Variants in EPB41L4B observed in about 807,000 individuals in gnomAD.
The protein encoded by EPB41L4B is band 4.1-like protein 4B.
In EPB41L4B, 30 loss-of-function variants were observed where a neutral mutation model predicts 112.5. The observed-to-expected ratio is 0.27, with a 90% CI of 0.20 to 0.36. The LOEUF (loss-of-function observed/expected upper bound fraction) is 0.36. Ranked by LOEUF, EPB41L4B falls within the 10% of genes least tolerant of loss-of-function variation. The pLI is 1.00. For synonymous variants in EPB41L4B, 408 were observed against 439.7 expected, an observed-to-expected ratio of 0.93 and a Z score of 0.90; for missense variants, 1,024 against 1,133.3, an observed-to-expected ratio of 0.90 and a Z score of 1.38.
chr9:109,320,466 T>C lies in EPB41L4B; in HGVS notation c.-20A>G, dbSNP rs1344230963. The C allele has an allele frequency of 2.0e-6, 2 of 977,162 alleles. No homozygotes were observed. Among genetic ancestry groups the C allele is most frequent in the African/African-American group, 1.8e-5 (1 of 54,712 alleles). 60.5% of individuals were successfully genotyped at this position (977,162 alleles called of 1,614,324 possible). A position where few individuals can be genotyped will look rare whatever the true frequency, so the allele number is the denominator to read the frequency against. Reference sequence around the variant, plus strand: ...CAGCATCCTGGCTGGGGGCGCCCCCTGCCTCCGCCCCCTGCGCTGCCGCTG... The same window carrying C: ...CAGCATCCTGGCTGGGGGCGCCCCCCGCCTCCGCCCCCTGCGCTGCCGCTG... On this transcript the variant is annotated 5_prime_UTR_variant, in exon 1 of 26. Coordinates refer to ENST00000374566, the MANE Select transcript of EPB41L4B (RefSeq NM_019114.5).
intron 15 of EPB41L4B, among the ~76,000 whole-genome samples, chr9:109,222,057 G>T (rs1247764720): frequency 1.3e-5 from 2 of 152,118 alleles, no homozygotes; most frequent in East Asian, 3.9e-4. Context: ...AAAGTGAGTG[G>T]TATTTAAAAC....
At chr9:109,235,072 G>A (rs1476773700) in intron 15 of EPB41L4B, among the ~76,000 whole-genome samples, 1 of 152,186 alleles carries the variant, frequency 6.6e-6, no homozygotes, top group Non-Finnish European at 1.5e-5. Context: ...TGGACTCTCA[G>A]CCATCTCACC....
At position 109,216,779 on chromosome 9, in the gene EPB41L4B, C is replaced by G; in HGVS notation, c.1633+143G>C. The G allele has an allele frequency of 3.6e-6, 3 of 828,838 alleles. No individual in the cohort carries two copies. In the South Asian group the frequency reaches 4.7e-5, roughly 13 times the overall value. The allele number at this position is 828,838 out of a possible 1,614,324, so 51.3% of individuals were successfully genotyped here. ...CAAATGCATAAGGCTCTTGTCTACTCTGGCCCAAACCCGGTAGCCCAGCAT... is the reference window on the plus strand; with the variant it reads ...CAAATGCATAAGGCTCTTGTCTACTGTGGCCCAAACCCGGTAGCCCAGCAT... On this transcript the variant is annotated intron_variant, in intron 16 of 25. Transcript: ENST00000374566.
chr9:109,189,206 C>T (rs992840420), intron 22 of EPB41L4B, among the ~76,000 whole-genome samples: 4 of 152,032 alleles, frequency 2.6e-5, no homozygotes, highest in Non-Finnish European at 4.4e-5. Context: ...GATACAGAAT[C>T]GGAAATGGAA....
intron 1 of EPB41L4B, among the ~76,000 whole-genome samples, chr9:109,306,229 C>T (rs1200299823): frequency 6.6e-6 from 1 of 152,168 alleles, no homozygotes; most frequent in Non-Finnish European, 1.5e-5. Flanking sequence ...CTGATCTAAA[C>T]CTACAACACC....
At chr9:109,217,300 T>C (rs975047481) in intron 15 of EPB41L4B, among the ~76,000 whole-genome samples, 155 bp from the exon 16 acceptor site, 2 of 152,250 alleles carry the variant, frequency 1.3e-5, no homozygotes, top group Non-Finnish European at 2.9e-5. Flanking sequence ...ATGGTAATAT[T>C]ATACTTAAGA....
chr9:109,315,095 C>A (rs115619938), intron 1 of EPB41L4B, among the ~76,000 whole-genome samples: 3,090 of 152,238 alleles, frequency 0.02, 101 homozygotes, highest in African/African-American at 0.071. Flanking sequence ...TAGCCCTCCA[C>A]TCCACTGTGA....
At chr9:109,308,088 G>A (rs938141542) in intron 1 of EPB41L4B, among the ~76,000 whole-genome samples, 4 of 152,010 alleles carry the variant, frequency 2.6e-5, no homozygotes, top group African/African-American at 7.2e-5. Context: ...TCCCACACTC[G>A]GCCCAATTCC....
intron 24 of EPB41L4B, 42 bp from the exon 25 acceptor site, chr9:109,176,738 G>A (rs1831856575): frequency 6.2e-7 from 1 of 1,610,144 alleles, no homozygotes; most frequent in South Asian, 1.1e-5. Context: ...CTCAATTTGG[G>A]TTCCATTTTC....
At chr9:109,286,913 C>G (rs1836307841) in intron 1 of EPB41L4B, among the ~76,000 whole-genome samples, 1 of 152,140 alleles carries the variant, frequency 6.6e-6, no homozygotes, top group Non-Finnish European at 1.5e-5. Context: ...TGAGCTGTTC[C>G]CAAACACAGT....
chr9:109,291,976 G>A (rs1836551847), intron 1 of EPB41L4B, among the ~76,000 whole-genome samples: 1 of 152,172 alleles, frequency 6.6e-6, no homozygotes, highest in African/African-American at 2.4e-5. Context: ...AGGCCATGCT[G>A]TATTTAGATC....
intron 16 of EPB41L4B, among the ~76,000 whole-genome samples, chr9:109,216,376 C>A (rs1397977140): frequency 1.3e-5 from 2 of 152,134 alleles, no homozygotes; most frequent in African/African-American, 4.8e-5. Context: ...CATGGTGGCT[C>A]ACGCCTGTAA....
intron 22 of EPB41L4B, among the ~76,000 whole-genome samples, chr9:109,190,168 TG>T (rs2118671811): frequency 6.6e-6 from 1 of 152,292 alleles, no homozygotes; most frequent in East Asian, 1.9e-4. Flanking sequence ...TCCAGTTCCC[TG>T]TTGGTCCAGC....
At chr9:109,281,014 A>C (rs1274824183) in intron 1 of EPB41L4B, among the ~76,000 whole-genome samples, 2 of 152,198 alleles carry the variant, frequency 1.3e-5, no homozygotes, top group Admixed American at 1.3e-4. Flanking sequence ...CTCAGAATAA[A>C]ACACAGGCAT....
intron 15 of EPB41L4B, among the ~76,000 whole-genome samples, chr9:109,235,390 CTTTTTTTTTTTTT>C (rs758330838): frequency 1.1e-5 from 1 of 87,248 alleles, no homozygotes; most frequent in Non-Finnish European, 2.1e-5. Flanking sequence ...TTCAGCTAGA[CTTTTTTTTTTTTT>C]TTTTTTTTTT....
intron 1 of EPB41L4B, among the ~76,000 whole-genome samples, chr9:109,283,396 GCT>G (rs1458580699): frequency 2.0e-5 from 3 of 152,308 alleles, no homozygotes; most frequent in Non-Finnish European, 2.9e-5. Flanking sequence ...CAGCCTTCAG[GCT>G]CTTTCCTTCC....
chr9:109,278,290 G>A (rs1019159336), intron 2 of EPB41L4B, among the ~76,000 whole-genome samples: 1 of 152,078 alleles, frequency 6.6e-6, no homozygotes, highest in Non-Finnish European at 1.5e-5. Flanking sequence ...GGGTGGGGTG[G>A]CATAACAGGA....
Position 109,281,478 on chromosome 9 carries a change from A to G in EPB41L4B, c.307-1557T>C, listed in dbSNP as rs10979795. Among the ~76,000 whole-genome samples, 1,029 of 152,258 alleles carry G rather than the reference A, an allele frequency of 6.8e-3. 23 individuals carry two copies. The East Asian group carries it at 0.093, about 14-fold the overall frequency. On this transcript the variant is annotated intron_variant, in intron 1 of 25. Transcript: ENST00000374566. The stretch of plus-strand genomic sequence containing the variant: ...CACAATTTGGGAGTCTGAGGCGGGC[A>G]GATCACTTGAGATCAGGAGTTCAAG...
At position 109,242,504 on chromosome 9, in the gene EPB41L4B, A is replaced by C. The variant is rs145970257; in HGVS notation, c.1409+1114T>G. ...TTTCTAGAAATCTCTTCTGTTTCTTACGTCTGAAGAATAAAGCACCTTTGA... is the reference window on the plus strand; with the variant it reads ...TTTCTAGAAATCTCTTCTGTTTCTTCCGTCTGAAGAATAAAGCACCTTTGA... On this transcript the variant is annotated intron_variant, in intron 15 of 25. Transcript: ENST00000374566. Among the ~76,000 whole-genome samples the C allele has an allele frequency of 2.0e-5, 3 of 152,370 alleles. No individual in the cohort carries two copies. In the East Asian group the frequency reaches 5.8e-4, roughly 29 times the overall value.
Sources: allele counts gnomAD v4.1 joint callset (sites outside exome capture counted in the v4.1 genomes callset), GRCh38; gene constraint gnomAD v4.1.1; transcripts MANE v1.5; gene names NCBI Gene and HGNC (gene_info 2026-07-23, HGNC 2026-07-21).